GLRA3: variants seen among roughly 807,000 people sequenced by gnomAD.
GLRA3 encodes the protein glycine receptor alpha 3.
A neutral mutation model predicts 60.4 loss-of-function variants in GLRA3; 44 were observed. The ratio of observed to expected loss-of-function variants is 0.73; its 90% CI spans 0.57 to 0.94. The LOEUF is 0.94. Among genes scored for constraint, GLRA3 ranks in the 40% least tolerant of loss-of-function variants. GLRA3 has a pLI of 0.00. For synonymous variants in GLRA3, 223 were observed against 192.9 expected (o/e 1.16, Z -1.29); for missense variants, 508 against 564.6 (o/e 0.90, Z 1.02).
At position 174,644,188 on chromosome 4, in the gene GLRA3, G is replaced by A. The variant is rs1217227225; in HGVS notation, c.1117-124C>T. ...ACATTAATATAAGGAAAAGATAACC[G>A]AAGCATATAAAGATGAATTGGTTTT... On this transcript the variant is annotated intron_variant, in intron 9 of 9. Transcript: ENST00000274093. The A allele has an allele frequency of 2.8e-5, 18 of 649,780 alleles. 1 individual carries two copies. Among genetic ancestry groups the A allele is most frequent in the South Asian group, 2.0e-4 (9 of 45,820 alleles). 40.3% of individuals were successfully genotyped at this position (649,780 alleles called of 1,614,324 possible).
At chr4:174,749,576 G>C (rs1737382358) in intron 3 of GLRA3, among the ~76,000 whole-genome samples, 2 of 152,138 alleles carry the variant, frequency 1.3e-5, no homozygotes, top group African/African-American at 2.4e-5. Flanking sequence ...GAAAGCCATA[G>C]CAAAGAATAA....
chr4:174,757,710 T>C (rs1394287359), intron 3 of GLRA3, among the ~76,000 whole-genome samples: 1 of 152,194 alleles, frequency 6.6e-6, no homozygotes, highest in Non-Finnish European at 1.5e-5. Context: ...TATCAAAGAA[T>C]CTCAAATAAT....
intron 3 of GLRA3, among the ~76,000 whole-genome samples, chr4:174,749,110 T>C (rs1008169325): frequency 3.9e-5 from 6 of 152,160 alleles, no homozygotes; most frequent in African/African-American, 1.4e-4. Flanking sequence ...ATAATTATAA[T>C]TGCGGCTCAG....
chr4:174,651,135 A>T (rs955562712), intron 9 of GLRA3, among the ~76,000 whole-genome samples: 1 of 152,184 alleles, frequency 6.6e-6, no homozygotes, highest in Non-Finnish European at 1.5e-5. Flanking sequence ...TGGGCTTCTC[A>T]GATAGATCTC....
rs139008426 is a variant in GLRA3 at position 174,661,290 on chromosome 4, A to G, written c.928-2093T>C. 1.3e-3 allele frequency among the ~76,000 whole-genome samples: 193 copies of G among 152,278 alleles called. 3 individuals are homozygous for G. In the Middle Eastern group the frequency reaches 0.014, roughly 11 times the overall value. ...ACATTACATCTCTATATCTAACTCAACACCACAGGGTTCCCTTTAGCCTAT... is the reference window on the plus strand; with the variant it reads ...ACATTACATCTCTATATCTAACTCAGCACCACAGGGTTCCCTTTAGCCTAT... On this transcript the variant is annotated intron_variant, in intron 7 of 9. Transcript: ENST00000274093.
chr4:174,718,310 A>G (rs1736000255), intron 4 of GLRA3, among the ~76,000 whole-genome samples: 1 of 152,230 alleles, frequency 6.6e-6, no homozygotes, highest in South Asian at 2.1e-4. Flanking sequence ...GCAATTAATC[A>G]CATTCTACTG....
chr4:174,756,916 G>T (rs1266264734), intron 3 of GLRA3, among the ~76,000 whole-genome samples: 1 of 152,176 alleles, frequency 6.6e-6, no homozygotes, highest in Non-Finnish European at 1.5e-5. Context: ...AAAGTGCCGG[G>T]ATTACAGGCG....
At chr4:174,758,713 G>A (rs902820123) in intron 3 of GLRA3, among the ~76,000 whole-genome samples, 1 of 152,092 alleles carries the variant, frequency 6.6e-6, no homozygotes, top group Non-Finnish European at 1.5e-5. Context: ...AATAATAGAG[G>A]AAACTGGGCA....
At chr4:174,810,229 C>T (rs1019394201) in intron 1 of GLRA3, among the ~76,000 whole-genome samples, 1 of 151,960 alleles carries the variant, frequency 6.6e-6, no homozygotes, top group Non-Finnish European at 1.5e-5. Flanking sequence ...GAGCAAAGGA[C>T]AATCAGAAGT....
intron 3 of GLRA3, among the ~76,000 whole-genome samples, chr4:174,766,173 C>A (rs1363658788): frequency 6.6e-6 from 1 of 151,858 alleles, no homozygotes; most frequent in African/African-American, 2.4e-5. Flanking sequence ...TTTATATCAT[C>A]TTTTAGTTAA....
At chr4:174,751,920 G>T (rs997391118) in intron 3 of GLRA3, among the ~76,000 whole-genome samples, 1 of 151,958 alleles carries the variant, frequency 6.6e-6, no homozygotes, top group South Asian at 2.1e-4. Context: ...TTAGGGAAAA[G>T]ATGTCTAAAA....
intron 9 of GLRA3, among the ~76,000 whole-genome samples, chr4:174,647,410 A>AC (rs1316472578): frequency 8.4e-6 from 1 of 119,040 alleles, no homozygotes; most frequent in East Asian, 2.3e-4. Context: ...TCCCATCTCA[A>AC]GAAAAAAAAA....
chr4:174,756,900 C>T (rs2111210841), intron 3 of GLRA3, among the ~76,000 whole-genome samples: 1 of 152,282 alleles, frequency 6.6e-6, no homozygotes, highest in Non-Finnish European at 1.5e-5. Flanking sequence ...CCCGCCACGG[C>T]CTCCCAAAGT....
At chr4:174,652,288 T>C (rs1185191499) in intron 9 of GLRA3, among the ~76,000 whole-genome samples, 1 of 152,048 alleles carries the variant, frequency 6.6e-6, no homozygotes, top group Non-Finnish European at 1.5e-5. Flanking sequence ...ATGGATTACA[T>C]GTCAAAAAAG....
chr4:174,672,412 G>C (rs1733942413), intron 7 of GLRA3, among the ~76,000 whole-genome samples: 1 of 152,088 alleles, frequency 6.6e-6, no homozygotes, highest in African/African-American at 2.4e-5. Flanking sequence ...CTTCCCTGTG[G>C]GTGGAGTGCA....
intron 5 of GLRA3, among the ~76,000 whole-genome samples, chr4:174,708,001 T>C (rs1207068592): frequency 6.6e-6 from 1 of 152,198 alleles, no homozygotes; most frequent in African/African-American, 2.4e-5. Context: ...ATTTTATAAG[T>C]AGCGAGTTCA....
chr4:174,716,122 C>T lies in GLRA3; in HGVS notation c.492-552G>A, dbSNP rs114237389. Reference sequence around the variant, plus strand: ...ATGTAACGTTCAGTCATCATTCTAACGACCCTGATGTTGTCAGTGAACATT... The same window carrying T: ...ATGTAACGTTCAGTCATCATTCTAATGACCCTGATGTTGTCAGTGAACATT... On this transcript the variant is annotated intron_variant, in intron 4 of 9. Transcript: ENST00000274093. Among the ~76,000 whole-genome samples the T allele has an allele frequency of 3.0e-3, 454 of 152,252 alleles. 1 individual carries two copies. The highest frequency in any genetic ancestry group is 0.01 in the African/African-American group (427 of 41,536).
intron 1 of GLRA3, among the ~76,000 whole-genome samples, chr4:174,794,501 C>T (rs1163340458): frequency 6.6e-6 from 1 of 151,926 alleles, no homozygotes; most frequent in East Asian, 1.9e-4. Flanking sequence ...ACATACACAC[C>T]ACACACTATG....
chr4:174,679,443 A>C (rs982889604), intron 6 of GLRA3, among the ~76,000 whole-genome samples: 4 of 152,172 alleles, frequency 2.6e-5, no homozygotes, highest in Non-Finnish European at 5.9e-5. Context: ...ACACTTGTAC[A>C]CCATTGGTGG....
Sources: gnomAD v4.1 joint callset for allele counts (sites outside exome capture counted in the v4.1 genomes callset) on GRCh38, gnomAD v4.1.1 for gene constraint, MANE v1.5 for transcripts, NCBI Gene and HGNC (gene_info 2026-07-23, HGNC 2026-07-21) for gene names.